GHR: variants seen among roughly 807,000 people sequenced by gnomAD.
The protein encoded by GHR is GH receptor.
A neutral mutation model predicts 67.1 loss-of-function variants in GHR; 35 were observed. That is an observed-to-expected ratio of 0.52 (90% CI 0.40 to 0.69). The LOEUF is 0.69. Ranked by LOEUF, GHR falls within the 30% of genes least tolerant of loss-of-function variation. The pLI is 0.00. For synonymous variants in GHR, 272 were observed against 269.1 expected, an observed-to-expected ratio of 1.01 and a Z score of -0.10; for missense variants, 792 against 764.6, an observed-to-expected ratio of 1.04 and a Z score of -0.42.
At chr5:42,492,289 T>C (rs1203973324) in intron 1 of GHR, among the ~76,000 whole-genome samples, 1 of 152,186 alleles carries the variant, frequency 6.6e-6, no homozygotes, top group Non-Finnish European at 1.5e-5. Context: ...GGGCTAATAC[T>C]GAGGAATGAG....
chr5:42,693,201 G>A (rs989149610), intron 4 of GHR, among the ~76,000 whole-genome samples: 1 of 151,212 alleles, frequency 6.6e-6, no homozygotes, highest in East Asian at 1.9e-4. Context: ...GCAGTGGCTC[G>A]ATCTTGGCTT....
intron 2 of GHR, among the ~76,000 whole-genome samples, chr5:42,626,532 T>C (rs1753711980): frequency 6.6e-6 from 1 of 152,182 alleles, no homozygotes; most frequent in South Asian, 2.1e-4. Context: ...GATTAAGACA[T>C]TGGCCACTGG....
At chr5:42,451,686 C>G in intron 1 of GHR, among the ~76,000 whole-genome samples, 1 of 134,356 alleles carries the variant, frequency 7.4e-6, no homozygotes, top group East Asian at 2.0e-4. Flanking sequence ...GCTTGGGCAA[C>G]AGAGCAAGAC....
At chr5:42,640,850 C>T (rs369654208) in intron 3 of GHR, among the ~76,000 whole-genome samples, 35 of 152,028 alleles carry the variant, frequency 2.3e-4, no homozygotes, top group Admixed American at 8.5e-4. Context: ...GAAAGACCCT[C>T]GTTTGAGAAT....
At chr5:42,696,956 T>C (rs537627883) in intron 5 of GHR, among the ~76,000 whole-genome samples, 3 of 152,188 alleles carry the variant, frequency 2.0e-5, no homozygotes, top group Non-Finnish European at 4.4e-5. Flanking sequence ...GTCTCTTTAT[T>C]AATGCTCAGA....
chr5:42,488,930 G>A (rs1509463), intron 1 of GHR, among the ~76,000 whole-genome samples: 2,891 of 152,232 alleles, frequency 0.019, 160 homozygotes, highest in East Asian at 0.13. Context: ...CAAGTTCATC[G>A]AGTTACTGCA....
chr5:42,591,682 T>C (rs1751785879), intron 2 of GHR, among the ~76,000 whole-genome samples: 2 of 152,150 alleles, frequency 1.3e-5, no homozygotes, highest in Non-Finnish European at 2.9e-5. Flanking sequence ...GACTCAGCAC[T>C]TGTCCACTGT....
In GHR at chr5:42,532,528, G is replaced by A. The variant is rs556676296; in HGVS notation, c.-11-33336G>A. On this transcript the variant is annotated intron_variant, in intron 1 of 9. Coordinates refer to ENST00000230882, the MANE Select transcript of GHR (RefSeq NM_000163.5). ...TGTACAGAAAAATTTGAAGGCCCCCGTTTTACCTTCCCCAGTCTCATTATT... is the reference window on the plus strand; with the variant it reads ...TGTACAGAAAAATTTGAAGGCCCCCATTTTACCTTCCCCAGTCTCATTATT... Among the ~76,000 whole-genome samples the A allele has an allele frequency of 3.2e-4, 49 of 152,038 alleles. 1 individual carries two copies. The highest frequency in any genetic ancestry group is 1.1e-3 in the African/African-American group (46 of 41,454).
intron 3 of GHR, among the ~76,000 whole-genome samples, chr5:42,656,458 T>C (rs2112843827): frequency 6.6e-6 from 1 of 152,310 alleles, no homozygotes; most frequent in South Asian, 2.1e-4. Context: ...TTTTCTGTCC[T>C]GTGAATCCTG....
chr5:42,472,766 T>A (rs1745067764), intron 1 of GHR, among the ~76,000 whole-genome samples: 1 of 151,850 alleles, frequency 6.6e-6, no homozygotes, highest in South Asian at 2.1e-4. Flanking sequence ...TGTGAGTAGA[T>A]GTGTTTAGGT....
chr5:42,467,353 G>A (rs2940917), intron 1 of GHR: 186,407 of 1,004,050 alleles, frequency 0.19, 18,999 homozygotes, highest in African/African-American at 0.28. Flanking sequence ...TGCAATCTGC[G>A]TAAAGGCTTT....
intron 2 of GHR, among the ~76,000 whole-genome samples, chr5:42,566,793 T>C (rs1415204653): frequency 1.3e-5 from 2 of 152,042 alleles, no homozygotes; most frequent in Non-Finnish European, 2.9e-5. Flanking sequence ...AGTGTCAGAC[T>C]CCCCTTCTCA....
chr5:42,529,753 A>G (rs1418045300), intron 1 of GHR, among the ~76,000 whole-genome samples: 1 of 152,106 alleles, frequency 6.6e-6, no homozygotes, highest in Non-Finnish European at 1.5e-5. Context: ...GTCTAAGGCA[A>G]TTTTATGAAG....
At chr5:42,648,820 G>A (rs1193077774) in intron 3 of GHR, among the ~76,000 whole-genome samples, 1 of 152,020 alleles carries the variant, frequency 6.6e-6, no homozygotes, top group Non-Finnish European at 1.5e-5. Context: ...TATAGCAACC[G>A]CCTGCAGATT....
chr5:42,467,734 G>C (rs1744799162), intron 1 of GHR: 2 of 1,560,594 alleles, frequency 1.3e-6, no homozygotes, highest in Non-Finnish European at 1.8e-6. Context: ...TTTCTCCCCG[G>C]TGTGGATTCT....
intron 1 of GHR, among the ~76,000 whole-genome samples, chr5:42,508,031 G>A (rs568265032): frequency 6.6e-6 from 1 of 152,268 alleles, no homozygotes; most frequent in South Asian, 2.1e-4. Flanking sequence ...TGCTATTTTA[G>A]ACCTCATACA....
At chr5:42,548,000 T>A in intron 1 of GHR, 2 of 695,858 alleles carry the variant, frequency 2.9e-6, no homozygotes, top group Non-Finnish European at 3.5e-6. Flanking sequence ...CACTGCTTTC[T>A]ACCCATCCAG....
At chr5:42,663,064 T>G (rs749277190) in intron 3 of GHR, among the ~76,000 whole-genome samples, 65 of 152,224 alleles carry the variant, frequency 4.3e-4, no homozygotes, top group Non-Finnish European at 7.5e-4. Context: ...AATCTCTGAA[T>G]AGACCAATAA....
intron 3 of GHR, chr5:42,647,747 AC>A (rs1026458277): frequency 4.6e-6 from 2 of 430,108 alleles, no homozygotes; most frequent in African/African-American, 2.1e-5. Context: ...AGAAAAATTA[AC>A]CCTGTAGCTT....
Sources: allele counts gnomAD v4.1 joint callset (sites outside exome capture counted in the v4.1 genomes callset), GRCh38; gene constraint gnomAD v4.1.1; transcripts MANE v1.5; gene names NCBI Gene and HGNC (gene_info 2026-07-23, HGNC 2026-07-21).